The following RNF43 variants were observed in gnomAD, a reference collection of about 807,000 sequenced individuals.
RNF43 encodes the protein E3 ubiquitin-protein ligase RNF43.
Under a neutral mutation model 78.4 loss-of-function variants are expected in RNF43, and 37 were observed. The observed-to-expected ratio is 0.47, with a 90% CI of 0.36 to 0.62. The LOEUF (loss-of-function observed/expected upper bound fraction) is 0.62. RNF43 is among the 20% of genes least tolerant of loss of function. RNF43 has a pLI of 0.00. For synonymous variants in RNF43, 347 were observed against 395.0 expected (o/e 0.88, Z 1.44); for missense variants, 774 against 1,007.9 (o/e 0.77, Z 3.14).
chr17:58,363,082 C>A (rs1178895421), intron 5 of RNF43, 193 bp downstream of exon 5: 3 of 639,054 alleles, frequency 4.7e-6, no homozygotes, highest in Non-Finnish European at 8.1e-6. Flanking sequence ...CTGTCCTGAT[C>A]TGTTCATTCT....
At chr17:58,393,368 C>T (rs978098318) in intron 2 of RNF43, among the ~76,000 whole-genome samples, 4 of 152,184 alleles carry the variant, frequency 2.6e-5, no homozygotes, top group Non-Finnish European at 5.9e-5. Flanking sequence ...GATGGTGCCA[C>T]TGCACCCCAG....
chr17:58,367,300 T>C (rs536706212), intron 3 of RNF43, among the ~76,000 whole-genome samples: 2 of 152,168 alleles, frequency 1.3e-5, no homozygotes, highest in Admixed American at 6.5e-5. Context: ...CCACCACACC[T>C]GGTCCTTATA....
chr17:58,404,558 C>T (rs1973866008), intron 2 of RNF43, among the ~76,000 whole-genome samples: 3 of 152,200 alleles, frequency 2.0e-5, no homozygotes, highest in African/African-American at 7.2e-5. Flanking sequence ...CCTAATGTCA[C>T]AGTGGATCGG....
Position 58,371,026 on chromosome 17 carries a change from G to A in RNF43, c.260C>T (p.Pro87Leu), listed in dbSNP as rs764750571. 12 of 1,595,968 alleles carry A rather than the reference G, an allele frequency of 7.5e-6. No individual in the cohort carries two copies. Among genetic ancestry groups the A allele is most frequent in the Admixed American group, 1.7e-5 (1 of 58,456 alleles). ...PAEGKLMQSH[P>L]LYLCNASDDD... ...ATCACTGGCATTGCACAGGTACAGC[G>A]GGTGGGACTGCAGAGAGAGACAGAC... Residue 87 changes from proline (P) to leucine (L), a missense_variant, in exon 3 of 10, where the codon CCG becomes CTG. By Grantham distance (98) the Pro-to-Leu change is moderately conservative. Transcript: ENST00000407977.
At chr17:58,385,311 T>G (rs1254968090) in intron 2 of RNF43, among the ~76,000 whole-genome samples, 1 of 152,248 alleles carries the variant, frequency 6.6e-6, no homozygotes, top group Non-Finnish European at 1.5e-5. Context: ...TTTATTTATT[T>G]GAAGTCCTAC....
At chr17:58,361,003 A>G in intron 6 of RNF43, 59 bp from the exon 7 acceptor site, 1 of 1,477,522 alleles carries the variant, frequency 6.8e-7, no homozygotes, top group Non-Finnish European at 9.0e-7. Context: ...CCCTCTCTGG[A>G]CCCAAGCTTG....
At chr17:58,384,782 T>G (rs958142735) in intron 2 of RNF43, among the ~76,000 whole-genome samples, 1 of 152,150 alleles carries the variant, frequency 6.6e-6, no homozygotes, top group Non-Finnish European at 1.5e-5. Flanking sequence ...TCCAATGACA[T>G]AGAGAAATAC....
At chr17:58,371,755 C>T (rs191900729) in intron 2 of RNF43, among the ~76,000 whole-genome samples, 1 of 152,326 alleles carries the variant, frequency 6.6e-6, no homozygotes, top group East Asian at 1.9e-4. Flanking sequence ...GGAGCCAGCC[C>T]AGCCCATCTG....
intron 2 of RNF43, among the ~76,000 whole-genome samples, chr17:58,389,073 C>T (rs1475906470): frequency 6.6e-6 from 1 of 152,034 alleles, no homozygotes; most frequent in Non-Finnish European, 1.5e-5. Flanking sequence ...ATACTGTAAG[C>T]AGAGCAATTT....
chr17:58,371,384 T>G (rs970008461), intron 2 of RNF43, among the ~76,000 whole-genome samples: 1 of 152,202 alleles, frequency 6.6e-6, no homozygotes, highest in Non-Finnish European at 1.5e-5. Flanking sequence ...GGCCCCAGCC[T>G]CTCTACCTCC....
At chr17:58,371,554 C>T (rs562830501) in intron 2 of RNF43, among the ~76,000 whole-genome samples, 1 of 152,372 alleles carries the variant, frequency 6.6e-6, no homozygotes, top group Non-Finnish European at 1.5e-5. Context: ...ATTCCCATTT[C>T]TCAGGAGGCT....
At chr17:58,363,134 A>C in intron 5 of RNF43, 141 bp downstream of exon 5, 1 of 1,042,296 alleles carries the variant, frequency 9.6e-7, no homozygotes, top group South Asian at 1.6e-5. Flanking sequence ...GCCCAGAGGC[A>C]CACAGCTGAT....
At chr17:58,366,188 G>A (rs888663765) in intron 3 of RNF43, among the ~76,000 whole-genome samples, 1 of 152,212 alleles carries the variant, frequency 6.6e-6, no homozygotes, top group African/African-American at 2.4e-5. Flanking sequence ...AGAAACGGAA[G>A]CTTCCAGACC....
At chr17:58,405,003 T>C (rs764585880) in intron 2 of RNF43, among the ~76,000 whole-genome samples, 13 of 148,318 alleles carry the variant, frequency 8.8e-5, no homozygotes, top group Non-Finnish European at 1.6e-4. Flanking sequence ...CACACAGGAA[T>C]ATAACAACCT....
intron 3 of RNF43, 111 bp downstream of exon 3, chr17:58,370,800 G>GAATC: frequency 8.0e-7 from 1 of 1,243,454 alleles, no homozygotes; most frequent in Non-Finnish European, 1.1e-6. Context: ...AAACCCAAGG[G>GAATC]AATCAGGTAC....
At chr17:58,408,007 C>A (rs1365894907) in intron 2 of RNF43, among the ~76,000 whole-genome samples, 1 of 152,224 alleles carries the variant, frequency 6.6e-6, no homozygotes, top group East Asian at 1.9e-4. Context: ...ATAAGAAGAT[C>A]TTTGTCAGAC....
chr17:58,401,143 A>G (rs1973790685), intron 2 of RNF43, among the ~76,000 whole-genome samples: 1 of 152,230 alleles, frequency 6.6e-6, no homozygotes, highest in Admixed American at 6.5e-5. Context: ...TAGATGCAGC[A>G]CTGGACAGGT....
In RNF43 at chr17:58,353,706, T is replaced by C. The variant is rs77701692; in HGVS notation, c.*1237A>G. 1.2e-3 allele frequency: 248 copies of C among 210,976 alleles called. 2 individuals are homozygous for C. The East Asian group carries it at 0.017, about 15-fold the overall frequency. 13.1% of individuals were successfully genotyped at this position (210,976 alleles called of 1,614,324 possible). ...GGATAAATATATTAGCAAATAAATA[T>C]ATTTCTTAACATAGTGCCTGATTCA... On this transcript the variant is annotated 3_prime_UTR_variant, in exon 10 of 10. Transcript: ENST00000407977.
At chr17:58,355,557 C>G (rs189881212) in intron 9 of RNF43, among the ~76,000 whole-genome samples, 39 of 152,228 alleles carry the variant, frequency 2.6e-4, no homozygotes, top group African/African-American at 9.4e-4. Flanking sequence ...ATTGTTTACC[C>G]AGTTTGGCTA....
Sources: allele counts gnomAD v4.1 joint callset (sites outside exome capture counted in the v4.1 genomes callset), GRCh38; gene constraint gnomAD v4.1.1; transcripts MANE v1.5; gene names NCBI Gene and HGNC (gene_info 2026-07-23, HGNC 2026-07-21).